Variants in ROCK2 observed in about 807,000 individuals in gnomAD.
The protein encoded by ROCK2 is Rho associated coiled-coil containing protein kinase 2.
Under a neutral mutation model 195.1 loss-of-function variants are expected in ROCK2, and 61 were observed. The observed-to-expected ratio is 0.31, with a 90% CI of 0.25 to 0.39. The LOEUF (loss-of-function observed/expected upper bound fraction) is 0.39. Among genes scored for constraint, ROCK2 ranks in the 10% least tolerant of loss-of-function variants. The pLI, the probability that ROCK2 is intolerant of heterozygous loss-of-function variation, is 1.00. For missense variants in ROCK2, 1,109 were observed against 1,637.4 expected, an observed-to-expected ratio of 0.68 and a Z score of 5.57; for synonymous variants, 504 against 545.5, an observed-to-expected ratio of 0.92 and a Z score of 1.06.
At chr2:11,183,798 G>A (rs929025078) in intron 32 of ROCK2, among the ~76,000 whole-genome samples, 2 of 152,138 alleles carry the variant, frequency 1.3e-5, no homozygotes, top group Non-Finnish European at 2.9e-5. Flanking sequence ...TAGCTGAAAG[G>A]GAAATGGGCC....
intron 1 of ROCK2, among the ~76,000 whole-genome samples, chr2:11,293,578 TTAA>T (rs1667425145): frequency 1.3e-5 from 2 of 152,214 alleles, no homozygotes; most frequent in Non-Finnish European, 2.9e-5. Flanking sequence ...ACCAGTATTA[TTAA>T]TTTTTCCTTT....
intron 4 of ROCK2, 105 bp from the exon 5 acceptor site, chr2:11,236,067 A>G (rs527387954): frequency 1.0e-4 from 110 of 1,065,238 alleles, no homozygotes; most frequent in Admixed American, 9.1e-4. Flanking sequence ...AAGGCAAACT[A>G]TTTTATAACC....
rs1663479120 is a variant in ROCK2, at chr2:11,192,793, A to G, written c.3688-81T>C. On this transcript the variant is annotated intron_variant, in intron 30 of 32. Coordinates refer to ENST00000315872, the MANE Select transcript of ROCK2 (RefSeq NM_004850.5). This position sits in a 1 kb window ranked among gnomAD's most constrained non-coding sequence, Gnocchi z 5.0. ...GGAACAATTCTGATAGTGTAAGTAA[A>G]ATAAAATTAGCCTAAATTATTCAAA... 2 of 1,422,426 alleles carry G rather than the reference A, an allele frequency of 1.4e-6. No homozygotes were observed. Among genetic ancestry groups the G allele is most frequent in the Non-Finnish European group, 1.9e-6 (2 of 1,061,136 alleles). The allele number at this position is 1,422,426 out of a possible 1,614,324, so 88.1% of individuals were successfully genotyped here. A position where few individuals can be genotyped will look rare whatever the true frequency, so the allele number is the denominator to read the frequency against.
At chr2:11,232,370 C>T (rs1447460566) in intron 5 of ROCK2, among the ~76,000 whole-genome samples, 1 of 152,174 alleles carries the variant, frequency 6.6e-6, no homozygotes, top group Non-Finnish European at 1.5e-5. Context: ...TTCAAGCAGT[C>T]TGCCCACCCT....
At chr2:11,291,093 A>G (rs1667348865) in intron 1 of ROCK2, among the ~76,000 whole-genome samples, 1 of 152,150 alleles carries the variant, frequency 6.6e-6, no homozygotes, top group Admixed American at 6.5e-5. Context: ...TAAGCCAAAC[A>G]CCCAGTTTCC....
At chr2:11,325,609 T>A (rs1406201822) in intron 1 of ROCK2, among the ~76,000 whole-genome samples, 1 of 152,176 alleles carries the variant, frequency 6.6e-6, no homozygotes, top group Non-Finnish European at 1.5e-5. Flanking sequence ...GTTAGAGAAG[T>A]CAGCAGAAGT....
rs1169636481 is a variant in ROCK2, at chr2:11,214,451, C to T, written c.1949G>A (p.Gly650Asp). The T allele has an allele frequency of 1.3e-6, 2 of 1,599,624 alleles. No individual in the cohort carries two copies. The highest frequency in any genetic ancestry group is 1.7e-5 in the Admixed American group (1 of 58,922). Residue 650 changes from glycine to aspartate, a missense_variant, in exon 17 of 33, where the codon GGC (glycine) becomes GAC (aspartate). Transcript: ENST00000315872. ...IINDLQGRIC[G>D]LEEDLKNGKI... Reference sequence around the variant, plus strand: ...GCCGTTCTTTAAATCTTCTTCTAGGCCACATATTCTACCTAAAAATTGCAA... The same window carrying T: ...GCCGTTCTTTAAATCTTCTTCTAGGTCACATATTCTACCTAAAAATTGCAA...
intron 1 of ROCK2, 88 bp downstream of exon 1, chr2:11,343,908 C>G: frequency 1.4e-6 from 2 of 1,461,222 alleles, no homozygotes; most frequent in Non-Finnish European, 1.8e-6. Context: ...TCCCCCTCCC[C>G]ACGGGCGGAC....
At chr2:11,222,224 AG>A in intron 7 of ROCK2, 50 bp from the exon 8 acceptor site, 1 of 1,069,730 alleles carries the variant, frequency 9.3e-7, no homozygotes, top group Non-Finnish European at 1.4e-6. Flanking sequence ...TAAAATAAAA[AG>A]ATTAACTCTA....
At chr2:11,297,679 G>A (rs1289358673) in intron 1 of ROCK2, among the ~76,000 whole-genome samples, 2 of 152,022 alleles carry the variant, frequency 1.3e-5, no homozygotes, top group Non-Finnish European at 2.9e-5. Context: ...TCAGCAAAGT[G>A]ATAAACACAT....
At chr2:11,299,214 C>G (rs914315890) in intron 1 of ROCK2, among the ~76,000 whole-genome samples, 9 of 150,628 alleles carry the variant, frequency 6.0e-5, no homozygotes, top group African/African-American at 2.0e-4. Context: ...GCGGAGGTTG[C>G]AGTGAGCCGA....
intron 28 of ROCK2, 48 bp downstream of exon 28, chr2:11,194,907 T>TAAAACA (rs1553296116): frequency 1.8e-5 from 21 of 1,160,214 alleles, no homozygotes; most frequent in Admixed American, 1.1e-4. Flanking sequence ...TGACTAGAGT[T>TAAAACA]AAAACAAAAA....
At chr2:11,339,008 A>G (rs1669022530) in intron 1 of ROCK2, among the ~76,000 whole-genome samples, 1 of 152,114 alleles carries the variant, frequency 6.6e-6, no homozygotes, top group Admixed American at 6.6e-5. Flanking sequence ...CTGAGTTGGT[A>G]ATAATGGTCT....
chr2:11,208,642 G>A (rs1212625648), intron 18 of ROCK2, among the ~76,000 whole-genome samples, 195 bp from the exon 19 acceptor site: 1 of 144,190 alleles, frequency 6.9e-6, no homozygotes, highest in Non-Finnish European at 1.5e-5. Flanking sequence ...CTGTTGCCCA[G>A]GCCGGAGTGC....
intron 27 of ROCK2, 37 bp from the exon 28 acceptor site, chr2:11,195,062 A>T: frequency 8.8e-7 from 1 of 1,137,566 alleles, no homozygotes. Flanking sequence ...TAAAGATAAC[A>T]ATTCTCCTTA....
chr2:11,310,326 T>A (rs191990933), intron 1 of ROCK2, among the ~76,000 whole-genome samples: 14 of 152,022 alleles, frequency 9.2e-5, no homozygotes, highest in East Asian at 1.9e-4. Context: ...TTACAATTTT[T>A]AAAAAAAAGG....
chr2:11,268,521 A>AGT (rs1558343608), intron 3 of ROCK2, among the ~76,000 whole-genome samples: 54 of 73,830 alleles, frequency 7.3e-4, no homozygotes, highest in African/African-American at 2.7e-3. Flanking sequence ...ACAGTTTTGC[A>AGT]CTGTGTGTGT....
At chr2:11,257,617 A>G (rs535327104) in intron 3 of ROCK2, among the ~76,000 whole-genome samples, 2 of 151,418 alleles carry the variant, frequency 1.3e-5, no homozygotes, top group South Asian at 2.1e-4. Flanking sequence ...CATTCCAGGA[A>G]TACCAGAATC....
chr2:11,213,314 C>G (rs1332428330), intron 17 of ROCK2, among the ~76,000 whole-genome samples: 1 of 152,122 alleles, frequency 6.6e-6, no homozygotes. Context: ...AGTGGCTAGC[C>G]CATTACTACA....
Sources: gnomAD v4.1 joint callset for allele counts (sites outside exome capture counted in the v4.1 genomes callset) on GRCh38, gnomAD v4.1.1 for gene constraint, Gnocchi (gnomAD v3.1) non-coding constraint, MANE v1.5 for transcripts, NCBI Gene and HGNC (gene_info 2026-07-23, HGNC 2026-07-21) for gene names.